The following KAZN variants were observed in gnomAD, a reference collection of about 807,000 sequenced individuals.
KAZN encodes the protein kazrin, periplakin interacting protein.
In KAZN, 40 loss-of-function variants were observed where a neutral mutation model predicts 87.4. The ratio of observed to expected loss-of-function variants is 0.46; its 90% CI spans 0.36 to 0.60. The LOEUF is 0.60. Ranked by LOEUF, KAZN falls within the 20% of genes least tolerant of loss-of-function variation. The probability of loss-of-function intolerance (pLI) is 0.00; values close to 1 mark genes in which losing one functional copy is unlikely to be tolerated. For missense variants in KAZN, 898 were observed against 1,073.9 expected (o/e 0.84, Z 2.29); for synonymous variants, 466 against 458.3 (o/e 1.02, Z -0.22).
chr1:14,231,406 TA>T (rs1647832336), intron 2 of KAZN, among the ~76,000 whole-genome samples: 1 of 146,738 alleles, frequency 6.8e-6, no homozygotes. Context: ...TTTTTTTTTT[TA>T]GCATGGCCCA....
intron 2 of KAZN, among the ~76,000 whole-genome samples, chr1:15,001,018 G>A (rs568849920): frequency 0.019 from 2,021 of 104,524 alleles, 100 homozygotes; most frequent in African/African-American, 0.055. Context: ...CAGGAGAGTC[G>A]CTTGAGCCCA....
At chr1:14,049,127 ATG>A (rs1557432208) in intron 1 of KAZN, among the ~76,000 whole-genome samples, 1 of 152,154 alleles carries the variant, frequency 6.6e-6, no homozygotes, top group Non-Finnish European at 1.5e-5. Context: ...ATGGAATACT[ATG>A]CAGCCATAAA....
intron 2 of KAZN, among the ~76,000 whole-genome samples, chr1:14,259,175 G>C (rs554707512): frequency 6.6e-6 from 1 of 152,024 alleles, no homozygotes; most frequent in African/African-American, 2.4e-5. Flanking sequence ...CATGCATGCC[G>C]GGCCCTCCTG....
At position 14,776,122 on chromosome 1, in the gene KAZN, G is replaced by T. The variant is rs191040869; in HGVS notation, c.226+176899G>T. Among the ~76,000 whole-genome samples the T allele has an allele frequency of 5.9e-5, 9 of 152,302 alleles. No individual in the cohort carries two copies. In the East Asian group the frequency reaches 1.7e-3, roughly 29 times the overall value. ...CCTCCTAGATTCAAGCGATTCTCCTGCCTCAGCCTCCCAAGTAGCTGGGAT... is the reference window on the plus strand; with the variant it reads ...CCTCCTAGATTCAAGCGATTCTCCTTCCTCAGCCTCCCAAGTAGCTGGGAT... On this transcript the variant is annotated intron_variant, in intron 1 of 14. Transcript: ENST00000376030.
intron 2 of KAZN, among the ~76,000 whole-genome samples, chr1:14,425,481 G>A (rs1665668565): frequency 6.6e-6 from 1 of 152,158 alleles, no homozygotes; most frequent in Non-Finnish European, 1.5e-5. Context: ...TCCCAGCTGG[G>A]GCTCTAGAAG....
intron 1 of KAZN, among the ~76,000 whole-genome samples, chr1:14,903,504 CAG>C (rs1351594381): frequency 4.6e-5 from 7 of 152,220 alleles, no homozygotes; most frequent in Admixed American, 2.0e-4. Flanking sequence ...ATTGGGCACT[CAG>C]AGGATCCGGG....
chr1:14,994,365 G>C (rs1389173219), intron 2 of KAZN, among the ~76,000 whole-genome samples: 1 of 152,198 alleles, frequency 6.6e-6, no homozygotes, highest in Non-Finnish European at 1.5e-5. Flanking sequence ...GCCATACATT[G>C]TACCACTGCC....
intron 2 of KAZN, among the ~76,000 whole-genome samples, chr1:14,420,887 TCCACACCTCCC>T (rs1161100418): frequency 6.1e-5 from 2 of 32,612 alleles, no homozygotes; most frequent in East Asian, 2.2e-3. Context: ...CACCTCTCCC[TCCACACCTCCC>T]CTCCACACCT....
intron 1 of KAZN, among the ~76,000 whole-genome samples, chr1:14,777,422 A>G (rs533828782): frequency 6.6e-6 from 1 of 152,250 alleles, no homozygotes; most frequent in South Asian, 2.1e-4. Context: ...CCTTGCGTAT[A>G]AGCACCATGA....
chr1:15,022,194 T>G lies in KAZN; in HGVS notation c.419-12555T>G, dbSNP rs558108790. The stretch of plus-strand genomic sequence containing the variant: ...GGCCAGGACGGGCCATGCACCCCCC[T>G]CCCTCCCATCACTTCCCTGCCCTGG... On this transcript the variant is annotated intron_variant, in intron 2 of 14. Coordinates refer to ENST00000376030, the MANE Select transcript of KAZN (RefSeq NM_201628.3). Among the ~76,000 whole-genome samples the G allele has an allele frequency of 2.6e-5, 4 of 151,844 alleles. No individual in the cohort carries two copies. In the East Asian group the frequency reaches 7.8e-4, roughly 30 times the overall value.
chr1:14,350,514 G>A (rs1181051069), intron 2 of KAZN, among the ~76,000 whole-genome samples: 3 of 152,188 alleles, frequency 2.0e-5, no homozygotes, highest in Non-Finnish European at 4.4e-5. Context: ...GGCAACGTCT[G>A]GAGATCTTTT....
chr1:14,212,253 C>T (rs1292867446), intron 2 of KAZN, among the ~76,000 whole-genome samples: 4 of 152,094 alleles, frequency 2.6e-5, no homozygotes, highest in South Asian at 2.1e-4. Flanking sequence ...ATGATGGCTT[C>T]GTCTTTTCAG....
chr1:14,017,022 C>G (rs542395506), intron 1 of KAZN, among the ~76,000 whole-genome samples: 1 of 152,134 alleles, frequency 6.6e-6, no homozygotes, highest in Admixed American at 6.5e-5. Context: ...TCGAGAAGTG[C>G]CTCTCTGAGA....
chr1:15,089,286 A>T (rs1640416853), intron 8 of KAZN, among the ~76,000 whole-genome samples: 1 of 150,916 alleles, frequency 6.6e-6, no homozygotes, highest in South Asian at 2.1e-4. Flanking sequence ...GGCTGCAGAC[A>T]CCCCCCACCC....
At chr1:14,451,841 C>T (rs1667293653) in intron 2 of KAZN, among the ~76,000 whole-genome samples, 1 of 152,206 alleles carries the variant, frequency 6.6e-6, no homozygotes, top group Admixed American at 6.5e-5. Flanking sequence ...ACCTTGAAGA[C>T]AGTCAGGTAG....
At chr1:14,513,724 A>T (rs75312752) in intron 2 of KAZN, among the ~76,000 whole-genome samples, 1 of 152,160 alleles carries the variant, frequency 6.6e-6, no homozygotes, top group Non-Finnish European at 1.5e-5. Flanking sequence ...TCAACTTTAC[A>T]TCCTAAAATG....
At chr1:14,468,421 C>G (rs1668277837) in intron 2 of KAZN, among the ~76,000 whole-genome samples, 1 of 152,150 alleles carries the variant, frequency 6.6e-6, no homozygotes, top group Admixed American at 6.5e-5. Flanking sequence ...GGCTCTCAGA[C>G]TTTTGAAGAT....
At chr1:14,222,002 G>C (rs1361000300) in intron 2 of KAZN, 1 of 152,122 alleles carries the variant, frequency 6.6e-6, no homozygotes, top group African/African-American at 2.4e-5. Context: ...TTTGAAATTT[G>C]CTTCCTTAGG....
At chr1:14,916,864 T>C (rs1317039363) in intron 1 of KAZN, among the ~76,000 whole-genome samples, 1 of 151,704 alleles carries the variant, frequency 6.6e-6, no homozygotes, top group African/African-American at 2.4e-5. Context: ...CATTGAGCCA[T>C]CATCATACCA....
Sources: gnomAD v4.1 joint callset for allele counts (sites outside exome capture counted in the v4.1 genomes callset) on GRCh38, gnomAD v4.1.1 for gene constraint, MANE v1.5 for transcripts, NCBI Gene and HGNC (gene_info 2026-07-23, HGNC 2026-07-21) for gene names.